The following CNTLN variants were observed in gnomAD, a reference collection of about 807,000 sequenced individuals.
The protein encoded by CNTLN is centlein, centrosomal protein.
A neutral mutation model predicts 180.0 loss-of-function variants in CNTLN; 212 were observed. The ratio of observed to expected loss-of-function variants is 1.18; its 90% CI spans 1.05 to 1.32. The LOEUF is 1.32. Among genes scored for constraint, CNTLN ranks in the 40% most tolerant of loss-of-function variants. The pLI, the probability that CNTLN is intolerant of heterozygous loss-of-function variation, is 0.00. For missense variants in CNTLN, 2,095 were observed against 1,610.9 expected (o/e 1.30, Z -5.14); for synonymous variants, 722 against 563.1 (o/e 1.28, Z -3.99).
At chr9:17,282,061 C>G (rs1371045172) in intron 6 of CNTLN, among the ~76,000 whole-genome samples, 1 of 152,166 alleles carries the variant, frequency 6.6e-6, no homozygotes, top group African/African-American at 2.4e-5. Flanking sequence ...CTCCCCAGTT[C>G]AAGCAATTCT....
At chr9:17,257,141 A>G (rs1431655938) in intron 5 of CNTLN, among the ~76,000 whole-genome samples, 1 of 149,720 alleles carries the variant, frequency 6.7e-6, no homozygotes, top group African/African-American at 2.5e-5. Context: ...CCCACCCCAC[A>G]ACAGTCCCCA....
At chr9:17,504,154 A>C (rs1198690515), downstream of CNTLN, among the ~76,000 whole-genome samples, 4 of 152,206 alleles carry the variant, frequency 2.6e-5, no homozygotes, top group African/African-American at 9.6e-5. Flanking sequence ...AAGAAGAAAG[A>C]AATGACCATC....
intron 7 of CNTLN, chr9:17,300,483 G>A (rs1478887919): frequency 6.6e-6 from 1 of 152,166 alleles, no homozygotes; most frequent in Non-Finnish European, 1.5e-5. Context: ...TATGTTTTCA[G>A]TACAGGTGCA....
chr9:17,487,028 GA>G lies in CNTLN; in HGVS notation c.4083del (p.Glu1361AspfsTer21), dbSNP rs1233189108. On this transcript the variant is annotated frameshift_variant, in exon 25 of 26. Coordinates refer to ENST00000380647, the MANE Select transcript of CNTLN (RefSeq NM_017738.4). LOFTEE classifies it high-confidence loss of function. ...KTKIDAENDK[E>X]WMLYIQKLLE... ...AAAAATTGATGCTGAAAATGACAAG[GA>G]ATGGATGTTGTACATTCAGAAACTT... 6 of 1,596,030 alleles carry G rather than the reference GA, an allele frequency of 3.8e-6. No homozygotes were observed. The highest frequency in any genetic ancestry group is 5.1e-6 in the Non-Finnish European group (6 of 1,174,330).
intron 2 of CNTLN, among the ~76,000 whole-genome samples, chr9:17,168,884 T>C (rs1820253926): frequency 6.6e-6 from 1 of 152,174 alleles, no homozygotes. Context: ...GTGAAGGTGA[T>C]AGTTTTACCG....
intron 6 of CNTLN, among the ~76,000 whole-genome samples, chr9:17,295,790 G>T (rs923512272): frequency 6.6e-6 from 1 of 152,034 alleles, no homozygotes; most frequent in Non-Finnish European, 1.5e-5. Flanking sequence ...CTTTCCCGAG[G>T]GTTGTGTGGG....
At chr9:17,422,870 G>T (rs956088186) in intron 18 of CNTLN, among the ~76,000 whole-genome samples, 1 of 152,106 alleles carries the variant, frequency 6.6e-6, no homozygotes, top group East Asian at 1.9e-4. Flanking sequence ...AGGCTTTCTA[G>T]ATATTCAAAG....
At chr9:17,280,948 T>A (rs934801216) in intron 6 of CNTLN, among the ~76,000 whole-genome samples, 4 of 152,148 alleles carry the variant, frequency 2.6e-5, no homozygotes, top group Non-Finnish European at 5.9e-5. Flanking sequence ...GGACTCAAAA[T>A]TCTAGTAGCT....
intron 2 of CNTLN, among the ~76,000 whole-genome samples, chr9:17,173,748 A>G (rs1820550872): frequency 6.6e-6 from 1 of 152,216 alleles, no homozygotes; most frequent in Admixed American, 6.5e-5. Context: ...TTTTAAGGAA[A>G]TAGTAGGTAG....
intron 18 of CNTLN, among the ~76,000 whole-genome samples, chr9:17,438,766 G>A (rs1829935396): frequency 6.6e-6 from 1 of 152,154 alleles, no homozygotes; most frequent in Admixed American, 6.5e-5. Context: ...CCATGAGTAT[G>A]TAGATGGCAT....
chr9:17,334,556 T>A (rs1461043687), intron 10 of CNTLN, among the ~76,000 whole-genome samples: 1 of 152,136 alleles, frequency 6.6e-6, no homozygotes, highest in African/African-American at 2.4e-5. Flanking sequence ...AAGTATAAGA[T>A]CTGTAGTCGC....
At chr9:17,231,116 T>C (rs1824786324) in intron 3 of CNTLN, among the ~76,000 whole-genome samples, 1 of 152,148 alleles carries the variant, frequency 6.6e-6, no homozygotes, top group Admixed American at 6.6e-5. Context: ...TTCAGCGTTT[T>C]TTCTTATTGT....
intron 24 of CNTLN, 79 bp downstream of exon 24, chr9:17,484,559 C>A: frequency 1.7e-6 from 2 of 1,166,818 alleles, no homozygotes; most frequent in Non-Finnish European, 2.4e-6. Flanking sequence ...TGTTTTATAC[C>A]TCTTAGAATT....
intron 15 of CNTLN, among the ~76,000 whole-genome samples, chr9:17,396,375 CGAATGATA>C (rs1826525880): frequency 6.6e-6 from 1 of 151,590 alleles, no homozygotes; most frequent in African/African-American, 2.4e-5. Flanking sequence ...ACCACAAAGA[CGAATGATA>C]GAACACCTCT....
At chr9:17,402,033 G>T (rs1231747719) in intron 15 of CNTLN, among the ~76,000 whole-genome samples, 1 of 151,778 alleles carries the variant, frequency 6.6e-6, no homozygotes, top group East Asian at 1.9e-4. Flanking sequence ...ATGACTCAGT[G>T]AACCAAAGAT....
intron 6 of CNTLN, among the ~76,000 whole-genome samples, chr9:17,276,007 G>A (rs1828284990): frequency 6.6e-6 from 1 of 152,008 alleles, no homozygotes; most frequent in South Asian, 2.1e-4. Flanking sequence ...AGGGTGCATG[G>A]GTGGAAAAAT....
intron 2 of CNTLN, among the ~76,000 whole-genome samples, chr9:17,201,552 G>T (rs985408495): frequency 3.3e-5 from 5 of 152,130 alleles, no homozygotes; most frequent in Non-Finnish European, 7.4e-5. Flanking sequence ...CTTCTTTCTG[G>T]TTTAGTCTTG....
At chr9:17,423,075 G>A (rs1179027420) in intron 18 of CNTLN, among the ~76,000 whole-genome samples, 1 of 152,178 alleles carries the variant, frequency 6.6e-6, no homozygotes, top group African/African-American at 2.4e-5. Context: ...AACAAAAGGA[G>A]TCTCTCCTTC....
intron 18 of CNTLN, among the ~76,000 whole-genome samples, chr9:17,443,601 C>T (rs977195791): frequency 4.6e-5 from 7 of 152,100 alleles, no homozygotes; most frequent in Non-Finnish European, 7.3e-5. Flanking sequence ...TCAGGAGAGA[C>T]GTTCATAGCT....
Sources: allele counts gnomAD v4.1 joint callset (sites outside exome capture counted in the v4.1 genomes callset), GRCh38; gene constraint gnomAD v4.1.1; transcripts MANE v1.5; gene names NCBI Gene and HGNC (gene_info 2026-07-23, HGNC 2026-07-21).